GRM1: variants seen among roughly 807,000 people sequenced by gnomAD.
GRM1 encodes the protein metabotropic glutamate receptor 1.
A neutral mutation model predicts 90.9 loss-of-function variants in GRM1; 33 were observed. That is an observed-to-expected ratio of 0.36 (90% CI 0.28 to 0.49). The LOEUF (loss-of-function observed/expected upper bound fraction) is 0.49. GRM1 is among the 20% of genes least tolerant of loss of function. The pLI, the probability that GRM1 is intolerant of heterozygous loss-of-function variation, is 0.99. For missense variants in GRM1, 1,190 were observed against 1,534.3 expected (o/e 0.78, Z 3.75); for synonymous variants, 700 against 613.2 (o/e 1.14, Z -2.09).
Position 146,149,082 on chromosome 6 carries a change from C to T in GRM1, c.701-10266C>T, listed in dbSNP as rs764807400. 9.9e-5 allele frequency among the ~76,000 whole-genome samples: 15 copies of T among 152,124 alleles called. 1 individual carries two copies. The highest frequency in any genetic ancestry group is 9.8e-4 in the Admixed American group (15 of 15,272). Reference sequence around the variant, plus strand: ...CTTTCTCCATTTCATAAATAGCTAACTGAAGTTAGAGAATCAATGAAGTGG... The same window carrying T: ...CTTTCTCCATTTCATAAATAGCTAATTGAAGTTAGAGAATCAATGAAGTGG... On this transcript the variant is annotated intron_variant, in intron 1 of 7. Coordinates refer to ENST00000282753, the MANE Select transcript of GRM1 (RefSeq NM_001278064.2).
chr6:146,080,112 G>T (rs1178421618), intron 1 of GRM1, among the ~76,000 whole-genome samples: 1 of 152,170 alleles, frequency 6.6e-6, no homozygotes, highest in African/African-American at 2.4e-5. Context: ...GCATCTTCAA[G>T]AAATTATTAG....
rs368002136 is a variant in GRM1, at chr6:146,302,910, GAGGAAGGA to G, written c.951-1680_951-1673del. The stretch of plus-strand genomic sequence containing the variant: ...GAACGAAGGGAGGAAGGGAGGGAGG[GAGGAAGGA>G]AGGAAGGAAGGAAGGAAGGATCTAT... On this transcript the variant is annotated intron_variant, in intron 2 of 7. Transcript: ENST00000282753. Among the ~76,000 whole-genome samples the G allele has an allele frequency of 6.6e-5, 10 of 151,588 alleles. No homozygotes were observed. In the South Asian group the frequency reaches 1.0e-3, roughly 16 times the overall value.
At chr6:146,205,985 G>A (rs1458780200) in intron 2 of GRM1, among the ~76,000 whole-genome samples, 1 of 152,144 alleles carries the variant, frequency 6.6e-6, no homozygotes, top group Non-Finnish European at 1.5e-5. Flanking sequence ...ATCTCTATAG[G>A]TTCTGGGACC....
rs146722879 is a variant in GRM1 at position 146,270,838 on chromosome 6, C to T, written c.951-33773C>T. ...TTCTGTCTGCCTGCCTGCCTGCCTGCCTTTCTTTCTTTTTCTTTCTTTCTT... is the reference window on the plus strand; with the variant it reads ...TTCTGTCTGCCTGCCTGCCTGCCTGTCTTTCTTTCTTTTTCTTTCTTTCTT... On this transcript the variant is annotated intron_variant, in intron 2 of 7. Coordinates refer to ENST00000282753, the MANE Select transcript of GRM1 (RefSeq NM_001278064.2). Among the ~76,000 whole-genome samples the T allele has an allele frequency of 1.4e-3, 182 of 129,108 alleles. 6 individuals are homozygous for T. Among genetic ancestry groups the T allele is most frequent in the African/African-American group, 5.2e-3 (142 of 27,238 alleles). 84.7% of individuals were successfully genotyped at this position (129,108 alleles called of 152,430 possible).
At chr6:146,357,410 C>G (rs1785627875) in intron 4 of GRM1, 116 bp from the exon 5 acceptor site, 2 of 818,368 alleles carry the variant, frequency 2.4e-6, no homozygotes, top group South Asian at 2.9e-5. Context: ...TTGGCAGTAG[C>G]TGATTTAAGA....
chr6:146,204,769 G>A (rs772139693), intron 2 of GRM1, among the ~76,000 whole-genome samples: 1 of 152,168 alleles, frequency 6.6e-6, no homozygotes, highest in Non-Finnish European at 1.5e-5. Flanking sequence ...GGGATGCTCA[G>A]GTTCATGGGC....
At chr6:146,187,162 A>G (rs4895689) in intron 2 of GRM1, among the ~76,000 whole-genome samples, 39,035 of 152,136 alleles carry the variant, frequency 0.26, 8,918 homozygotes, top group African/African-American at 0.62. Context: ...TAGAAGGTCT[A>G]AAGCTCTGAA....
At chr6:146,360,435 C>T (rs1034506631) in intron 5 of GRM1, among the ~76,000 whole-genome samples, 5 of 151,922 alleles carry the variant, frequency 3.3e-5, no homozygotes, top group African/African-American at 9.7e-5. Context: ...TTAGGGTCCA[C>T]TCAGGAAAAA....
chr6:146,376,594 T>G (rs1404289829), intron 5 of GRM1, among the ~76,000 whole-genome samples: 1 of 152,122 alleles, frequency 6.6e-6, no homozygotes, highest in African/African-American at 2.4e-5. Flanking sequence ...ACTTTAAATA[T>G]GTCATCCCAG....
At chr6:146,346,488 C>A (rs1785194800) in intron 3 of GRM1, among the ~76,000 whole-genome samples, 1 of 152,086 alleles carries the variant, frequency 6.6e-6, no homozygotes, top group Non-Finnish European at 1.5e-5. Flanking sequence ...GCAGAGATAA[C>A]CCTTTAGGGA....
At chr6:146,322,422 G>A (rs1351911425) in intron 3 of GRM1, among the ~76,000 whole-genome samples, 1 of 152,110 alleles carries the variant, frequency 6.6e-6, no homozygotes, top group Non-Finnish European at 1.5e-5. Flanking sequence ...CTCCAGTGCT[G>A]TGCTGGGAGA....
At chr6:146,049,312 T>C (rs1791440739) in intron 1 of GRM1, among the ~76,000 whole-genome samples, 1 of 151,970 alleles carries the variant, frequency 6.6e-6, no homozygotes, top group Admixed American at 6.6e-5. Flanking sequence ...TTTGAATCAA[T>C]GGGTTGAGCA....
intron 2 of GRM1, among the ~76,000 whole-genome samples, chr6:146,193,674 A>G (rs1264786977): frequency 2.0e-5 from 3 of 152,212 alleles, no homozygotes; most frequent in Non-Finnish European, 4.4e-5. Flanking sequence ...ATAATGCAAT[A>G]CATTTTTTGT....
At chr6:146,417,411 A>C (rs952394950) in intron 7 of GRM1, among the ~76,000 whole-genome samples, 2 of 152,100 alleles carry the variant, frequency 1.3e-5, no homozygotes, top group African/African-American at 4.8e-5. Context: ...TATATCTACC[A>C]CTTAACACTA....
chr6:146,424,615 G>T (rs193193725), intron 7 of GRM1, among the ~76,000 whole-genome samples: 2 of 152,380 alleles, frequency 1.3e-5, no homozygotes, highest in African/African-American at 4.8e-5. Flanking sequence ...AACATCAAGT[G>T]CAGGGCTCTT....
chr6:146,361,417 G>A (rs1375176248), intron 5 of GRM1, among the ~76,000 whole-genome samples: 1 of 152,194 alleles, frequency 6.6e-6, no homozygotes, highest in African/African-American at 2.4e-5. Flanking sequence ...GCAAACATCA[G>A]GGGCCTTGTG....
intron 1 of GRM1, among the ~76,000 whole-genome samples, chr6:146,084,529 C>G (rs1389387242): frequency 1.8e-4 from 28 of 152,044 alleles, no homozygotes; most frequent in Non-Finnish European, 1.5e-5. Flanking sequence ...TGTTAAATTT[C>G]TATGTAATTG....
intron 7 of GRM1, among the ~76,000 whole-genome samples, chr6:146,425,286 T>C (rs1778155467): frequency 6.6e-6 from 1 of 152,222 alleles, no homozygotes; most frequent in Non-Finnish European, 1.5e-5. Flanking sequence ...GAACATCTGT[T>C]CCAGAGTATT....
At chr6:146,347,536 T>C (rs1006937328) in intron 3 of GRM1, among the ~76,000 whole-genome samples, 3 of 152,212 alleles carry the variant, frequency 2.0e-5, no homozygotes, top group African/African-American at 7.2e-5. Context: ...ATCACCAGTA[T>C]TCCTGTATAC....
Sources: allele counts gnomAD v4.1 joint callset (sites outside exome capture counted in the v4.1 genomes callset), GRCh38; gene constraint gnomAD v4.1.1; transcripts MANE v1.5; gene names NCBI Gene and HGNC (gene_info 2026-07-23, HGNC 2026-07-21).